The following DMXL2 variants were observed in gnomAD, a reference collection of about 807,000 sequenced individuals.
The protein encoded by DMXL2 is dmX-like protein 2.
DMXL2 carries 103 observed loss-of-function variants against 331.1 expected under a neutral mutation model. The observed-to-expected ratio is 0.31, with a 90% confidence interval of 0.27 to 0.37. DMXL2 has a LOEUF of 0.37. Among genes scored for constraint, DMXL2 ranks in the 10% least tolerant of loss-of-function variants. DMXL2 has a pLI of 1.00. For synonymous variants in DMXL2, 1,281 were observed against 1,252.1 expected (o/e 1.02, Z -0.49); for missense variants, 3,171 against 3,642.9 (o/e 0.87, Z 3.33).
intron 19 of DMXL2, among the ~76,000 whole-genome samples, 156 bp from the exon 20 acceptor site, chr15:51,491,903 A>G (rs2042827621): frequency 6.6e-6 from 1 of 152,270 alleles, no homozygotes. Flanking sequence ...ACTTTATACT[A>G]TAAAAGTTTC....
chr15:51,449,074 C>A lies in DMXL2; in HGVS notation c.9087G>T (p.Arg3029=), dbSNP rs1160030312. 1 of 1,614,082 alleles carries A rather than the reference C, an allele frequency of 6.2e-7. No individual in the cohort carries two copies. Among genetic ancestry groups the A allele is most frequent in the Non-Finnish European group, 8.5e-7 (1 of 1,180,052 alleles). The part of the protein sequence containing the change: ...VMQIDIIQGN[R]LFSCGADGTL... ...TGCCATCTGCACCACAGGAGAAGAG[C>A]CGATTGCCCTGGATGATGTCAATCT... is the stretch of plus-strand genomic sequence containing the variant. Residue 3029 remains arginine (R), a synonymous_variant, in exon 44 of 44, where the codon CGG becomes CGT. Transcript: ENST00000560891.
chr15:51,483,750 C>T (rs1047207924), intron 23 of DMXL2, among the ~76,000 whole-genome samples: 1 of 152,162 alleles, frequency 6.6e-6, no homozygotes, highest in Admixed American at 6.5e-5. Flanking sequence ...CCTGGCAGCA[C>T]ACCACCAGGC....
intron 41 of DMXL2, 115 bp downstream of exon 41, chr15:51,453,435 G>T: frequency 3.4e-6 from 2 of 587,352 alleles, no homozygotes; most frequent in Non-Finnish European, 2.7e-6. Flanking sequence ...ATGTAACAAA[G>T]TTTTTTTTTT....
intron 3 of DMXL2, among the ~76,000 whole-genome samples, chr15:51,565,841 G>T (rs17609666): frequency 0.48 from 73,083 of 151,946 alleles, 17,884 homozygotes; most frequent in Non-Finnish European, 0.52. Flanking sequence ...AAATAATACT[G>T]TTTAAACGGT....
At chr15:51,479,868 A>G (rs2041881585) in intron 25 of DMXL2, 80 bp downstream of exon 25, 1 of 1,080,058 alleles carries the variant, frequency 9.3e-7, no homozygotes, top group Non-Finnish European at 1.3e-6. Flanking sequence ...TATTTCCCCT[A>G]AGTTCGAATT....
At chr15:51,539,006 T>C (rs1364190492) in intron 9 of DMXL2, among the ~76,000 whole-genome samples, 1 of 151,726 alleles carries the variant, frequency 6.6e-6, no homozygotes, top group African/African-American at 2.4e-5. Context: ...GCTCAGGAGA[T>C]CGAGACCAGC....
chr15:51,554,967 G>T (rs2049462819), intron 6 of DMXL2, among the ~76,000 whole-genome samples: 1 of 152,166 alleles, frequency 6.6e-6, no homozygotes, highest in Admixed American at 6.5e-5. Flanking sequence ...AGACCAGCCT[G>T]GCCATCATGA....
At chr15:51,558,180 G>C (rs2049723302) in intron 6 of DMXL2, among the ~76,000 whole-genome samples, 1 of 152,184 alleles carries the variant, frequency 6.6e-6, no homozygotes. Context: ...GGAACACGAT[G>C]CAAGTGAGGA....
At chr15:51,596,311 C>T (rs1315355013) in intron 1 of DMXL2, among the ~76,000 whole-genome samples, 1 of 152,174 alleles carries the variant, frequency 6.6e-6, no homozygotes, top group Non-Finnish European at 1.5e-5. Flanking sequence ...CCAAAAGACA[C>T]ATGAAAAAAT....
Position 51,486,234 on chromosome 15 carries a change from T to C in DMXL2, c.5321A>G (p.Gln1774Arg). Residue 1774 changes from glutamine (Q) to arginine (R), a missense_variant, in exon 23 of 44, where the codon CAG (glutamine) becomes CGG (arginine). Physicochemically the swap from Gln to Arg is conservative, Grantham distance 43. Transcript: ENST00000560891. ...TSSTYISILN[Q>R]KILGCQKDGS... ...ATCCTTTTGGCAACCCAAAATCTTC[T>C]GATTTAGGATGGATATATAAGTGGA... 2.5e-6 allele frequency: 4 copies of C among 1,613,904 alleles called. No individual in the cohort carries two copies. The highest frequency in any genetic ancestry group is 3.4e-6 in the Non-Finnish European group (4 of 1,179,820).
intron 13 of DMXL2, among the ~76,000 whole-genome samples, chr15:51,524,510 G>C (rs955123269): frequency 6.6e-6 from 1 of 152,166 alleles, no homozygotes; most frequent in Admixed American, 6.5e-5. Flanking sequence ...TGAAGAGGTA[G>C]GAAACACACA....
intron 2 of DMXL2, among the ~76,000 whole-genome samples, 171 bp from the exon 3 acceptor site, chr15:51,568,729 G>C (rs1596290015): frequency 6.6e-6 from 1 of 152,060 alleles, no homozygotes; most frequent in Non-Finnish European, 1.5e-5. Flanking sequence ...TCTCTCCCCT[G>C]TTATCAAAAA....
chr15:51,498,874 T>C lies in DMXL2; in HGVS notation c.4350A>G (p.Thr1450=). The C allele has an allele frequency of 6.2e-7, 1 of 1,614,196 alleles. No individual in the cohort carries two copies. Among genetic ancestry groups the C allele is most frequent in the Non-Finnish European group, 8.5e-7 (1 of 1,180,020 alleles). The change falls in exon 18 of 44, where the codon ACA becomes ACG. Residue 1450 remains threonine (T), a synonymous_variant. Coordinates refer to ENST00000560891, the MANE Select transcript of DMXL2 (RefSeq NM_001378457.1). ...GATCTTCATAGCTCTGTGGTATCTT[T>C]GTACTTTCTTCTGAAATTCTGTAGG... ...DTSYRISEES[T]KIPQSYEDQT...
chr15:51,564,361 A>C, intron 4 of DMXL2, 101 bp from the exon 5 acceptor site: 2 of 909,204 alleles, frequency 2.2e-6, no homozygotes. Context: ...ATATTATGTG[A>C]AAAGTAAGCA....
chr15:51,466,381 A>AAT, intron 29 of DMXL2, 70 bp from the exon 30 acceptor site: 2 of 502,938 alleles, frequency 4.0e-6, no homozygotes, highest in Non-Finnish European at 5.7e-6. Flanking sequence ...TATTTTATAT[A>AAT]ACATGTATTA....
chr15:51,505,631 A>C (rs2140534738), intron 16 of DMXL2, among the ~76,000 whole-genome samples: 2 of 152,358 alleles, frequency 1.3e-5, no homozygotes, highest in East Asian at 1.9e-4. Context: ...CTGGTGCCTC[A>C]AGAAGATTAG....
intron 6 of DMXL2, among the ~76,000 whole-genome samples, chr15:51,558,050 T>A (rs1302656796): frequency 1.3e-5 from 2 of 152,232 alleles, no homozygotes; most frequent in East Asian, 3.9e-4. Flanking sequence ...GTGTGCCAGT[T>A]TCAACTGCAA....
At chr15:51,601,325 T>C (rs1473376064) in intron 1 of DMXL2, among the ~76,000 whole-genome samples, 1 of 144,816 alleles carries the variant, frequency 6.9e-6, no homozygotes, top group Admixed American at 7.0e-5. Context: ...TTTTAAGAAA[T>C]CTTTTGCAAC....
At chr15:51,531,072 A>G (rs933492740) in intron 13 of DMXL2, among the ~76,000 whole-genome samples, 2 of 152,246 alleles carry the variant, frequency 1.3e-5, no homozygotes, top group Admixed American at 6.5e-5. Flanking sequence ...CAGAATAGCC[A>G]AAGCTATCCT....
Sources: allele counts gnomAD v4.1 joint callset (sites outside exome capture counted in the v4.1 genomes callset), GRCh38; gene constraint gnomAD v4.1.1; transcripts MANE v1.5; gene names NCBI Gene and HGNC (gene_info 2026-07-23, HGNC 2026-07-21).